Variants in ULK4 observed in about 807,000 individuals in gnomAD.
ULK4 encodes the protein unc-51 like kinase 4.
ULK4 carries 133 observed loss-of-function variants against 160.6 expected under a neutral mutation model. The observed-to-expected ratio is 0.83, with a 90% CI of 0.72 to 0.96. The LOEUF (loss-of-function observed/expected upper bound fraction) is 0.96, where lower values mean the gene tolerates loss of function less well. ULK4 is among the 40% of genes least tolerant of loss of function. ULK4 has a pLI of 0.00. For missense variants in ULK4, 1,580 were observed against 1,499.5 expected (o/e 1.05, Z -0.89); for synonymous variants, 534 against 539.8 (o/e 0.99, Z 0.15).
intron 32 of ULK4, among the ~76,000 whole-genome samples, chr3:41,508,687 T>C (rs1273516421): frequency 6.6e-6 from 1 of 152,086 alleles, no homozygotes; most frequent in East Asian, 1.9e-4. Context: ...CTGAGCCCAG[T>C]AGCTCTGCTG....
chr3:41,820,673 C>G (rs185004523), intron 18 of ULK4, among the ~76,000 whole-genome samples: 166 of 152,258 alleles, frequency 1.1e-3, no homozygotes, highest in African/African-American at 3.9e-3. Context: ...TGCATATTGA[C>G]TACTATGTTC....
intron 32 of ULK4, among the ~76,000 whole-genome samples, chr3:41,467,106 T>C (rs1035928441): frequency 2.6e-5 from 4 of 152,192 alleles, no homozygotes; most frequent in East Asian, 1.9e-4. Context: ...TGAAAAACAG[T>C]TGGCATTTTT....
At chr3:41,759,401 C>T (rs557909147) in intron 21 of ULK4, among the ~76,000 whole-genome samples, 10 of 152,088 alleles carry the variant, frequency 6.6e-5, no homozygotes, top group Non-Finnish European at 1.3e-4. Flanking sequence ...ACAGTAACAA[C>T]AACAAAGAAG....
intron 31 of ULK4, among the ~76,000 whole-genome samples, chr3:41,583,623 C>T (rs1336736829): frequency 2.0e-5 from 3 of 152,242 alleles, no homozygotes; most frequent in Non-Finnish European, 4.4e-5. Context: ...ATGCACACCT[C>T]AGGTATGGAT....
At chr3:41,552,441 T>C (rs925683003) in intron 32 of ULK4, among the ~76,000 whole-genome samples, 4 of 151,942 alleles carry the variant, frequency 2.6e-5, no homozygotes, top group Non-Finnish European at 5.9e-5. Context: ...TAAAAATCAG[T>C]AGTCTTTTTA....
At chr3:41,876,611 C>T (rs1265010799) in intron 17 of ULK4, among the ~76,000 whole-genome samples, 2 of 152,196 alleles carry the variant, frequency 1.3e-5, no homozygotes, top group African/African-American at 4.8e-5. Context: ...AATGTGTGTG[C>T]AAGGCTTTTA....
At position 41,682,515 on chromosome 3, in the gene ULK4, C is replaced by G. The variant is rs79162366; in HGVS notation, c.2782-711G>C. On this transcript the variant is annotated intron_variant, in intron 27 of 36. Transcript: ENST00000301831. ...TGTTCTCTCTATACTGATAAAAGAG[C>G]AGGAGAATCTGTGCACAGCCAAACG... is the stretch of plus-strand genomic sequence containing the variant. Among the ~76,000 whole-genome samples the G allele has an allele frequency of 1.8e-4, 27 of 152,310 alleles. No homozygotes were observed. In the East Asian group the frequency reaches 4.4e-3, roughly 25 times the overall value.
At chr3:41,642,654 G>A (rs1248714080) in intron 30 of ULK4, among the ~76,000 whole-genome samples, 1 of 152,168 alleles carries the variant, frequency 6.6e-6, no homozygotes, top group Non-Finnish European at 1.5e-5. Context: ...AAACATACGT[G>A]TGCATGTGTC....
intron 31 of ULK4, among the ~76,000 whole-genome samples, chr3:41,580,067 G>T (rs571422166): frequency 5.8e-4 from 88 of 152,290 alleles, no homozygotes; most frequent in African/African-American, 1.9e-3. Context: ...CAGAGTAACG[G>T]TGTCACAGCC....
intron 25 of ULK4, among the ~76,000 whole-genome samples, chr3:41,714,929 T>C (rs996837027): frequency 6.6e-6 from 1 of 152,024 alleles, no homozygotes; most frequent in South Asian, 2.1e-4. Flanking sequence ...TTCCCAGCAT[T>C]CCATTTTCAC....
At chr3:41,263,556 T>C (rs2078981968) in intron 35 of ULK4, among the ~76,000 whole-genome samples, 1 of 152,036 alleles carries the variant, frequency 6.6e-6, no homozygotes, top group South Asian at 2.1e-4. Context: ...ATTCAGCCAC[T>C]ATACATAGGG....
chr3:41,540,359 A>G (rs530917759), intron 32 of ULK4, among the ~76,000 whole-genome samples: 2 of 152,294 alleles, frequency 1.3e-5, no homozygotes, highest in South Asian at 4.1e-4. Context: ...CCTCCAAAGG[A>G]CATGAACTCA....
At chr3:41,418,878 A>G (rs1267991113) in intron 34 of ULK4, among the ~76,000 whole-genome samples, 1 of 152,188 alleles carries the variant, frequency 6.6e-6, no homozygotes, top group Non-Finnish European at 1.5e-5. Flanking sequence ...CAGTGCATGA[A>G]TGGGCACATT....
At chr3:41,507,902 CCA>C (rs764852579) in intron 32 of ULK4, among the ~76,000 whole-genome samples, 8 of 152,168 alleles carry the variant, frequency 5.3e-5, no homozygotes, top group Non-Finnish European at 8.8e-5. Flanking sequence ...CCAAGAACTA[CCA>C]CAGCAACATA....
chr3:41,529,478 G>C (rs1368181647), intron 32 of ULK4, among the ~76,000 whole-genome samples: 1 of 152,132 alleles, frequency 6.6e-6, no homozygotes, highest in Non-Finnish European at 1.5e-5. Flanking sequence ...ACATATAAGA[G>C]CTTCTTGAGT....
At chr3:41,816,061 G>A (rs2125625756) in intron 19 of ULK4, among the ~76,000 whole-genome samples, 1 of 151,932 alleles carries the variant, frequency 6.6e-6, no homozygotes, top group Middle Eastern at 3.4e-3. Context: ...GACCAGCCTG[G>A]GCAACATAGC....
chr3:41,524,004 C>T (rs774732465), intron 32 of ULK4, among the ~76,000 whole-genome samples: 1 of 152,114 alleles, frequency 6.6e-6, no homozygotes, highest in African/African-American at 2.4e-5. Context: ...AAATGTTATG[C>T]AAACTGAAAG....
At chr3:41,397,113 C>T (rs1575510617) in intron 35 of ULK4, among the ~76,000 whole-genome samples, 2 of 152,162 alleles carry the variant, frequency 1.3e-5, no homozygotes, top group South Asian at 4.2e-4. Context: ...ACTGACAAAC[C>T]AGAAGATGAT....
intron 16 of ULK4, among the ~76,000 whole-genome samples, chr3:41,889,193 T>C (rs1697830600): frequency 6.6e-6 from 1 of 152,182 alleles, no homozygotes; most frequent in South Asian, 2.1e-4. Context: ...TTATATTATA[T>C]AATCCTAATG....
Sources: gnomAD v4.1 joint callset for allele counts (sites outside exome capture counted in the v4.1 genomes callset) on GRCh38, gnomAD v4.1.1 for gene constraint, MANE v1.5 for transcripts, NCBI Gene and HGNC (gene_info 2026-07-23, HGNC 2026-07-21) for gene names.